C1QTNF12: variants seen among roughly 807,000 people sequenced by gnomAD.
C1QTNF12 encodes C1q and TNF related 12.
Under a neutral mutation model 34.3 loss-of-function variants are expected in C1QTNF12, and 39 were observed. That is an observed-to-expected ratio of 1.14 (90% CI 0.88 to 1.49). The LOEUF is 1.49. Ranked by LOEUF, C1QTNF12 falls within the 40% of genes most tolerant of loss-of-function variation. The pLI is 0.00. For missense variants in C1QTNF12, 497 were observed against 424.7 expected (o/e 1.17, Z -1.50); for synonymous variants, 220 against 196.9 (o/e 1.12, Z -0.98).
chr1:1,244,183 C>T lies in C1QTNF12; in HGVS notation c.379+8G>A, dbSNP rs780711118. On this transcript the variant is annotated splice_region_variant and intron_variant, in intron 3 of 7. Coordinates refer to ENST00000330388, the MANE Select transcript of C1QTNF12 (RefSeq NM_001014980.3). Reference sequence around the variant, plus strand: ...CGTCTGGTCTCTGGGCAGTGCAGGGCGGCTGACCTTTCAGCAGCTCCTGAA... The same window carrying T: ...CGTCTGGTCTCTGGGCAGTGCAGGGTGGCTGACCTTTCAGCAGCTCCTGAA... 6.0e-5 allele frequency: 94 copies of T among 1,576,904 alleles called. No individual in the cohort carries two copies. The highest frequency in any genetic ancestry group is 7.2e-5 in the Non-Finnish European group (84 of 1,162,150).
rs1052192951 is a variant in C1QTNF12, at chr1:1,246,644, TGCGGCCCGAGGAGGACCACGACC to T, written c.24_46del (p.Val9AlafsTer51). The stretch of plus-strand genomic sequence containing the variant: ...CCCGACGCCCCCGAGGAGCACGAGC[TGCGGCCCGAGGAGGACCACGACC>T]GCGGCCCAGGCCCAGCGCCGCATGG... On this transcript the variant is annotated frameshift_variant, in exon 1 of 8. Coordinates refer to ENST00000330388, the MANE Select transcript of C1QTNF12 (RefSeq NM_001014980.3). LOFTEE classifies it high-confidence loss of function. This position sits in a 1 kb window ranked among gnomAD's most constrained non-coding sequence, Gnocchi z 4.5. 9 of 1,235,012 alleles carry T rather than the reference TGCGGCCCGAGGAGGACCACGACC, an allele frequency of 7.3e-6. No individual in the cohort carries two copies. Among genetic ancestry groups the T allele is most frequent in the African/African-American group, 6.2e-5 (4 of 64,134 alleles). 76.5% of individuals were successfully genotyped at this position (1,235,012 alleles called of 1,614,324 possible). A position where few individuals can be genotyped will look rare whatever the true frequency, so the allele number is the denominator to read the frequency against.
chr1:1,247,240 G>A (rs942233197), upstream of C1QTNF12, among the ~76,000 whole-genome samples: 9 of 152,152 alleles, frequency 5.9e-5, no homozygotes, highest in Admixed American at 4.6e-4. Flanking sequence ...GCCACCGGAG[G>A]GCAGCTACCA....
intron 1 of C1QTNF12, 187 bp from the exon 2 acceptor site, chr1:1,244,684 G>C (rs1638835919): frequency 1.7e-6 from 1 of 590,072 alleles, no homozygotes; most frequent in African/African-American, 1.9e-5. Context: ...AGGCATGCGG[G>C]GCTTCTGTGG....
chr1:1,244,231 G>A lies in C1QTNF12; in HGVS notation c.339C>T (p.Thr113=), dbSNP rs200440529. 1.0e-4 allele frequency: 166 copies of A among 1,598,232 alleles called. No individual in the cohort carries two copies. The highest frequency in any genetic ancestry group is 4.9e-4 in the East Asian group (22 of 44,712). ...GAAACTCGTGAAGCAGAGTCTCCGC[G>A]GTCACTTCTGCACCTGGAGGTCCTG... ...GPPGPPGAEV[T]AETLLHEFQE... is the part of the protein sequence containing the mutation. The change falls in exon 3 of 8, where the codon ACC becomes ACT. Residue 113 remains threonine (T), a synonymous_variant. Transcript: ENST00000330388.
chr1:1,246,737 C>T (rs1570516691), upstream of C1QTNF12: 7 of 1,205,912 alleles, frequency 5.8e-6, no homozygotes, highest in South Asian at 4.2e-5. The surrounding 1 kb of genome is among the most constrained non-coding windows in gnomAD (Gnocchi z 4.5). Flanking sequence ...GGCGCCAGGG[C>T]GCAGTCATGG....
chr1:1,244,704 G>A, intron 1 of C1QTNF12: 3 of 569,258 alleles, frequency 5.3e-6, no homozygotes, highest in Non-Finnish European at 9.4e-6. Context: ...GACACAGCCA[G>A]AGCCTGATGC....
At chr1:1,243,031 G>A in intron 6 of C1QTNF12, 31 bp downstream of exon 6, 1 of 1,558,656 alleles carries the variant, frequency 6.4e-7, no homozygotes, top group Non-Finnish European at 8.7e-7. Context: ...TCCGGGGGCT[G>A]CCGCCTGGAG....
chr1:1,246,030 G>A lies in C1QTNF12; in HGVS notation c.177+484C>T, dbSNP rs1048293660. Among the ~76,000 whole-genome samples the A allele has an allele frequency of 6.6e-6, 1 of 152,100 alleles. No homozygotes were observed. Among genetic ancestry groups the A allele is most frequent in the Non-Finnish European group, 1.5e-5 (1 of 67,992 alleles). On this transcript the variant is annotated intron_variant, in intron 1 of 7. Coordinates refer to ENST00000330388, the MANE Select transcript of C1QTNF12 (RefSeq NM_001014980.3). This position sits in a 1 kb window ranked among gnomAD's most constrained non-coding sequence, Gnocchi z 4.5. ...GGGCCCCAGGACTTAACCCGCAAGAGGGGGTGCTAGCTACACAGGACCCCC... is the reference window on the plus strand; with the variant it reads ...GGGCCCCAGGACTTAACCCGCAAGAAGGGGTGCTAGCTACACAGGACCCCC...
chr1:1,246,398 G>T lies in C1QTNF12; in HGVS notation c.177+116C>A. 1 of 971,264 alleles carries T rather than the reference G, an allele frequency of 1.0e-6. No individual in the cohort carries two copies. The highest frequency in any genetic ancestry group is 1.3e-6 in the Non-Finnish European group (1 of 751,782). 60.2% of individuals were successfully genotyped at this position (971,264 alleles called of 1,614,324 possible). Reference sequence around the variant, plus strand: ...AAGGCGGGACCGTGGCCGAGGCCTCGAAAAGGGCGACCCGGAGGCAGAGCC... The same window carrying T: ...AAGGCGGGACCGTGGCCGAGGCCTCTAAAAGGGCGACCCGGAGGCAGAGCC... On this transcript the variant is annotated intron_variant, in intron 1 of 7. Coordinates refer to ENST00000330388, the MANE Select transcript of C1QTNF12 (RefSeq NM_001014980.3). The surrounding 1 kb of genome is among the most constrained non-coding windows in gnomAD (Gnocchi z 4.5).
chr1:1,243,224 C>A, intron 5 of C1QTNF12, 72 bp from the exon 6 acceptor site: 1 of 1,072,842 alleles, frequency 9.3e-7, no homozygotes, highest in Non-Finnish European at 1.3e-6. Flanking sequence ...GGCTTCAGGG[C>A]ACACATCCCA....
At chr1:1,244,551 G>A in intron 1 of C1QTNF12, 54 bp from the exon 2 acceptor site, 1 of 1,371,566 alleles carries the variant, frequency 7.3e-7, no homozygotes, top group Non-Finnish European at 1.0e-6. Flanking sequence ...CAGAGAGCTG[G>A]GACCCCAGGG....
rs550710464 is a variant in C1QTNF12, at chr1:1,244,098, C to G, written c.387G>C (p.Thr129=). Residue 129 remains threonine, a synonymous_variant, in exon 4 of 8, where the codon ACG becomes ACC. Transcript: ENST00000330388. The part of the protein sequence containing the change: ...HEFQELLKEA[T]ERRFSGLLDP... Reference sequence around the variant, plus strand: ...CCAGAAGCCCTGAGAACCGGCGCTCCGTGGCCTCTGTGGGGAGGAGGGCAC... The same window carrying G: ...CCAGAAGCCCTGAGAACCGGCGCTCGGTGGCCTCTGTGGGGAGGAGGGCAC... 14 of 1,581,592 alleles carry G rather than the reference C, an allele frequency of 8.9e-6. No individual in the cohort carries two copies. The African/African-American group carries it at 1.1e-4, about 12-fold the overall frequency.
At position 1,243,085 on chromosome 1, in the gene C1QTNF12, A is replaced by AAG; in HGVS notation, c.707_708insCT (p.Glu237LeufsTer87). On this transcript the variant is annotated frameshift_variant, in exon 6 of 8. Transcript: ENST00000330388. LOFTEE classifies it high-confidence loss of function. ...ACGTGTGGCGCTGGCACAGGGACTC[A>AAG]ATACAGATGAGAACACACACCACGT... The AAG allele has an allele frequency of 2.5e-6, 4 of 1,588,196 alleles. No homozygotes were observed. The highest frequency in any genetic ancestry group is 3.4e-6 in the Non-Finnish European group (4 of 1,168,188).
At chr1:1,243,619 G>T in intron 4 of C1QTNF12, 67 bp from the exon 5 acceptor site, 1 of 1,326,652 alleles carries the variant, frequency 7.5e-7, no homozygotes, top group Non-Finnish European at 1.0e-6. Flanking sequence ...CCCGCCTGGG[G>T]AAGGTGCCTG....
At position 1,243,954 on chromosome 1, in the gene C1QTNF12, A is replaced by G; in HGVS notation, c.531T>C (p.Ala177=). 1 of 1,607,878 alleles carries G rather than the reference A, an allele frequency of 6.2e-7. No homozygotes were observed. Among genetic ancestry groups the G allele is most frequent in the Non-Finnish European group, 8.5e-7 (1 of 1,177,968 alleles). The change falls in exon 4 of 8, where the codon GCT becomes GCC. Residue 177 remains alanine, a splice_region_variant and synonymous_variant. Coordinates refer to ENST00000330388, the MANE Select transcript of C1QTNF12 (RefSeq NM_001014980.3). ...RTLVELHGFQ[A]PAAQGAFLRG... ...GCTCTAAGCTCCCGGCTCCACTCAC[A>G]GCCTGGAAACCATGCAGCTCCACCA...
At chr1:1,245,121 C>T (rs1157015386) in intron 1 of C1QTNF12, among the ~76,000 whole-genome samples, 1 of 308 alleles carries the variant, frequency 3.2e-3, no homozygotes, top group African/African-American at 0.019. Context: ...ACTCCTCATC[C>T]CACTCCTTCC....
At position 1,246,653 on chromosome 1, in the gene C1QTNF12, A is replaced by C. The variant is rs1638900896; in HGVS notation, c.38T>G (p.Leu13Arg). The change falls in exon 1 of 8, where the codon CTC becomes CGC. Residue 13 changes from leucine to arginine, a missense_variant. Transcript: ENST00000330388. The surrounding 1 kb of genome is among the most constrained non-coding windows in gnomAD (Gnocchi z 4.5). ...CCCGAGGAGCACGAGCTGCGGCCCG[A>C]GGAGGACCACGACCGCGGCCCAGGC... ...RWAWAAVVVL[L>R]GPQLVLLGGV... is the part of the protein sequence containing the mutation. The C allele has an allele frequency of 8.1e-7, 1 of 1,231,742 alleles. No homozygotes were observed. The highest frequency in any genetic ancestry group is 1.0e-6 in the Non-Finnish European group (1 of 987,918). 76.3% of individuals were successfully genotyped at this position (1,231,742 alleles called of 1,614,324 possible).
At position 1,244,067 on chromosome 1, in the gene C1QTNF12, G is replaced by A; in HGVS notation, c.418C>T (p.Leu140=). 6.3e-7 allele frequency: 1 copy of A among 1,597,744 alleles called. No homozygotes were observed. The highest frequency in any genetic ancestry group is 8.5e-7 in the Non-Finnish European group (1 of 1,172,720). Reference sequence around the variant, plus strand: ...CGCAGGCCCGCCCCCTGGGGCAGCAGCGGGTCCAGAAGCCCTGAGAACCGG... The same window carrying A: ...CGCAGGCCCGCCCCCTGGGGCAGCAACGGGTCCAGAAGCCCTGAGAACCGG... ...ERRFSGLLDP[L]LPQGAGLRLV... The change falls in exon 4 of 8, where the codon CTG becomes TTG. Residue 140 remains leucine (L), a synonymous_variant. Transcript: ENST00000330388.
chr1:1,242,871 G>A lies in C1QTNF12; in HGVS notation c.774C>T (p.Val258=), dbSNP rs148322179. The change falls in exon 7 of 8, where the codon GTC becomes GTT. Residue 258 remains valine, a synonymous_variant. Coordinates refer to ENST00000330388, the MANE Select transcript of C1QTNF12 (RefSeq NM_001014980.3). ...AVSGLESNSR[V]FTLQVQGLLQ... is the part of the protein sequence containing the mutation. ...GCAGCCCCTGCACCTGTAGCGTGAAGACCCTGCTGTTGCTCTCCAGGCCTG... is the reference window on the plus strand; with the variant it reads ...GCAGCCCCTGCACCTGTAGCGTGAAAACCCTGCTGTTGCTCTCCAGGCCTG... The A allele has an allele frequency of 3.4e-4, 549 of 1,612,470 alleles. 4 individuals carry two copies. In the African/African-American group the frequency reaches 4.8e-3, roughly 14 times the overall value.
Sources: allele counts gnomAD v4.1 joint callset (sites outside exome capture counted in the v4.1 genomes callset), GRCh38; gene constraint gnomAD v4.1.1; non-coding constraint Gnocchi (gnomAD v3.1); transcripts MANE v1.5; gene names NCBI Gene and HGNC (gene_info 2026-07-23, HGNC 2026-07-21).